COL21A1: variants seen among roughly 807,000 people sequenced by gnomAD.
The protein encoded by COL21A1 is collagen type XXI alpha 1 chain, also known as collagen alpha-1(XXI) chain.
Under a neutral mutation model 137.9 loss-of-function variants are expected in COL21A1, and 149 were observed. The observed-to-expected ratio is 1.08, with a 90% CI of 0.95 to 1.24. The LOEUF is 1.24. COL21A1 is among the 50% of genes most tolerant of loss of function. The pLI is 0.00. For missense variants in COL21A1, 1,167 were observed against 1,158.4 expected (o/e 1.01, Z -0.11); for synonymous variants, 456 against 391.5 (o/e 1.16, Z -1.95).
At position 56,324,602 on chromosome 6, in the gene COL21A1, C is replaced by T. The variant is rs1764954766; in HGVS notation, c.-39+69369G>A. Among the ~76,000 whole-genome samples the T allele has an allele frequency of 2.6e-5, 4 of 151,944 alleles. No individual in the cohort carries two copies. In the South Asian group the frequency reaches 8.3e-4, roughly 32 times the overall value. On this transcript the variant is annotated intron_variant, in intron 1 of 28. Transcript: ENST00000370819. ...ATACCTGGCTGGGAGTAGTACCCACCCTGCACACATCTGATCATGGTGAAA... is the reference window on the plus strand; with the variant it reads ...ATACCTGGCTGGGAGTAGTACCCACTCTGCACACATCTGATCATGGTGAAA...
At chr6:56,374,668 G>C (rs2152350876) in intron 1 of COL21A1, among the ~76,000 whole-genome samples, 1 of 139,002 alleles carries the variant, frequency 7.2e-6, no homozygotes, top group South Asian at 2.3e-4. Context: ...TTTGCAGTGA[G>C]CCAAGATCGC....
rs1767354490 is a variant in COL21A1 at position 56,077,542 on chromosome 6, A to T, written c.1844T>A (p.Leu615Ter). Residue 615 changes from leucine to a stop codon, truncating the protein, a stop_gained, in exon 18 of 30, where the codon TTA becomes TAA. Transcript: ENST00000244728. LOFTEE classifies it high-confidence loss of function. ...ATGAATACTTACCTTTTGGCCCATT[A>T]ATCCTCGGTTTCCAGGAAATCCTGG... ...GIPGFPGNRG[L>*]MGQKGEIGPP... is the part of the protein sequence containing the mutation. 1.3e-6 allele frequency: 2 copies of T among 1,579,254 alleles called. No homozygotes were observed. The highest frequency in any genetic ancestry group is 8.6e-7 in the Non-Finnish European group (1 of 1,161,748).
intron 16 of COL21A1, among the ~76,000 whole-genome samples, chr6:56,123,304 T>C (rs1772713006): frequency 6.6e-6 from 1 of 152,202 alleles, no homozygotes; most frequent in African/African-American, 2.4e-5. Context: ...TCTTAGGAAG[T>C]GTTGCCTCAA....
intron 1 of COL21A1, among the ~76,000 whole-genome samples, chr6:56,304,414 G>A (rs1453888036): frequency 6.6e-6 from 1 of 152,136 alleles, no homozygotes; most frequent in East Asian, 1.9e-4. Context: ...TTCAGAGCCT[G>A]TTATTGGTCT....
At chr6:56,196,302 T>G (rs972317364) in intron 1 of COL21A1, among the ~76,000 whole-genome samples, 3 of 151,952 alleles carry the variant, frequency 2.0e-5, no homozygotes, top group Non-Finnish European at 4.4e-5. Flanking sequence ...TCCTCTAAGA[T>G]CAGGAAGAAA....
At chr6:56,107,804 C>T (rs568738052) in intron 16 of COL21A1, among the ~76,000 whole-genome samples, 17 of 151,960 alleles carry the variant, frequency 1.1e-4, no homozygotes, top group African/African-American at 1.5e-4. Context: ...CAAATGTGAC[C>T]GTGGAATATT....
rs188962467 is a variant in COL21A1 at position 56,208,743 on chromosome 6, C to T, written c.-38-26087G>A. Among the ~76,000 whole-genome samples, 746 of 152,260 alleles carry T rather than the reference C, an allele frequency of 4.9e-3. 6 individuals are homozygous for T. Among genetic ancestry groups the T allele is most frequent in the South Asian group, 0.033 (158 of 4,826 alleles). On this transcript the variant is annotated intron_variant, in intron 1 of 29. Coordinates refer to ENST00000244728, the MANE Select transcript of COL21A1 (RefSeq NM_030820.4). ...ACAATCCTAGGTAAAAAGAACAAAG[C>T]TGGAGGCATGATGCTACCTGACTTC...
At chr6:56,214,647 CT>C (rs947260587) in intron 1 of COL21A1, among the ~76,000 whole-genome samples, 85 of 147,728 alleles carry the variant, frequency 5.8e-4, no homozygotes, top group African/African-American at 1.6e-3. Flanking sequence ...CAAGGCCCCC[CT>C]TTTTTTTTTC....
At chr6:56,318,322 C>A (rs1281934482) in intron 1 of COL21A1, among the ~76,000 whole-genome samples, 1 of 152,114 alleles carries the variant, frequency 6.6e-6, no homozygotes, top group African/African-American at 2.4e-5. Flanking sequence ...AAATATTCAA[C>A]CATCCTGACT....
chr6:56,211,979 G>A (rs527693002), intron 1 of COL21A1, among the ~76,000 whole-genome samples: 8 of 152,044 alleles, frequency 5.3e-5, no homozygotes, highest in South Asian at 4.1e-4. Context: ...AAATTGTGAC[G>A]TAGGCACTGG....
chr6:56,328,705 CT>C (rs1765156007), intron 1 of COL21A1, among the ~76,000 whole-genome samples: 1 of 152,064 alleles, frequency 6.6e-6, no homozygotes, highest in East Asian at 1.9e-4. Flanking sequence ...AAAGGAGTTA[CT>C]TTGTAAGTAC....
chr6:56,226,063 G>A (rs1035232415), intron 1 of COL21A1, among the ~76,000 whole-genome samples: 1 of 151,976 alleles, frequency 6.6e-6, no homozygotes, highest in Non-Finnish European at 1.5e-5. Context: ...AAGAATAAGA[G>A]TACAAATAGT....
intron 1 of COL21A1, among the ~76,000 whole-genome samples, chr6:56,316,477 C>CTTTTGTTT (rs1764739115): frequency 1.3e-5 from 1 of 75,786 alleles, no homozygotes; most frequent in East Asian, 4.7e-4. Context: ...TCTAAATAGA[C>CTTTTGTTT]TTTTTTTTTT....
chr6:56,266,889 A>G (rs1047898986), intron 1 of COL21A1, among the ~76,000 whole-genome samples: 4 of 152,246 alleles, frequency 2.6e-5, no homozygotes, highest in African/African-American at 4.8e-5. Context: ...GCAGTTAACT[A>G]TTAATAGCTC....
chr6:56,278,483 A>T (rs1763720636), intron 1 of COL21A1, among the ~76,000 whole-genome samples: 1 of 152,174 alleles, frequency 6.6e-6, no homozygotes, highest in South Asian at 2.1e-4. Flanking sequence ...TAAACACTGC[A>T]TACCCCACCA....
At chr6:56,254,403 C>T (rs1207772263) in intron 1 of COL21A1, among the ~76,000 whole-genome samples, 1 of 152,126 alleles carries the variant, frequency 6.6e-6, no homozygotes, top group Admixed American at 6.6e-5. Context: ...TGAAATGTAT[C>T]TAAAGTGAAA....
intron 1 of COL21A1, among the ~76,000 whole-genome samples, chr6:56,309,143 G>T (rs1375058223): frequency 6.6e-6 from 1 of 151,668 alleles, no homozygotes; most frequent in East Asian, 1.9e-4. Flanking sequence ...CCCGGGTTAA[G>T]CGATTCCCCT....
chr6:56,138,536 T>C (rs1378852930), intron 12 of COL21A1, among the ~76,000 whole-genome samples: 1 of 151,776 alleles, frequency 6.6e-6, no homozygotes, highest in East Asian at 1.9e-4. Flanking sequence ...GCATGTGGTA[T>C]CCCAGAAGCC....
chr6:56,180,076 CACTATA>C lies in COL21A1; in HGVS notation c.136_141del (p.Tyr46_Ser47del). ...ACTATTTCAAAGTTTTCTGGGCCAA[CACTATA>C]AGAGCCATCTAAGATGAAAACTAAA... is the stretch of plus-strand genomic sequence containing the variant. On this transcript the variant is annotated inframe_deletion, in exon 3 of 30. Coordinates refer to ENST00000244728, the MANE Select transcript of COL21A1 (RefSeq NM_030820.4). 1.2e-6 allele frequency: 2 copies of C among 1,613,696 alleles called. No homozygotes were observed. Among genetic ancestry groups the C allele is most frequent in the Non-Finnish European group, 1.7e-6 (2 of 1,179,766 alleles).
Sources: allele counts gnomAD v4.1 joint callset (sites outside exome capture counted in the v4.1 genomes callset), GRCh38; gene constraint gnomAD v4.1.1; transcripts MANE v1.5; gene names NCBI Gene and HGNC (gene_info 2026-07-23, HGNC 2026-07-21).